Variants in MRPL1 observed in about 807,000 individuals in gnomAD.
The protein encoded by MRPL1 is mitochondrial ribosomal protein L1.
A neutral mutation model predicts 38.0 loss-of-function variants in MRPL1; 28 were observed. That is an observed-to-expected ratio of 0.74 (90% CI 0.55 to 1.01). The LOEUF (loss-of-function observed/expected upper bound fraction) is 1.01. MRPL1 is among the 50% of genes least tolerant of loss of function. MRPL1 has a pLI of 0.00. For missense variants in MRPL1, 358 were observed against 389.8 expected (o/e 0.92, Z 0.69); for synonymous variants, 123 against 126.7 (o/e 0.97, Z 0.20).
intron 7 of MRPL1, among the ~76,000 whole-genome samples, chr4:77,933,721 A>G (rs1736898712): frequency 1.3e-5 from 2 of 152,362 alleles, no homozygotes; most frequent in East Asian, 3.9e-4. Flanking sequence ...ACTTAAAGAA[A>G]TAATGGCAGG....
rs750442746 is a variant in MRPL1 at position 77,862,845 on chromosome 4, C to T, written c.-4C>T. ...TTTCGTGAACGCAATCCGGAGTGCCCAACATGGCGGCGGCCGTAAGGTGCA... is the reference window on the plus strand; with the variant it reads ...TTTCGTGAACGCAATCCGGAGTGCCTAACATGGCGGCGGCCGTAAGGTGCA... On this transcript the variant is annotated 5_prime_UTR_variant, in exon 1 of 9. Transcript: ENST00000315567. 1 of 1,614,040 alleles carries T rather than the reference C, an allele frequency of 6.2e-7. No individual in the cohort carries two copies. The highest frequency in any genetic ancestry group is 1.3e-5 in the African/African-American group (1 of 75,000).
At chr4:77,868,591 G>A (rs1447813370) in intron 1 of MRPL1, among the ~76,000 whole-genome samples, 1 of 152,180 alleles carries the variant, frequency 6.6e-6, no homozygotes, top group Admixed American at 6.5e-5. Context: ...TGAAGGAAAA[G>A]TGTAAGATGT....
chr4:77,929,244 G>A (rs2110258443), intron 7 of MRPL1, among the ~76,000 whole-genome samples: 1 of 152,036 alleles, frequency 6.6e-6, no homozygotes, highest in South Asian at 2.1e-4. Context: ...GGGCAACATA[G>A]CAAGATCCCA....
chr4:77,892,701 A>T (rs1216865618), intron 5 of MRPL1, among the ~76,000 whole-genome samples: 1 of 142,822 alleles, frequency 7.0e-6, no homozygotes, highest in Admixed American at 6.8e-5. Flanking sequence ...CAGTTCTTTG[A>T]CATTTAGAAA....
intron 7 of MRPL1, among the ~76,000 whole-genome samples, chr4:77,920,562 CAG>C (rs991411277): frequency 6.6e-6 from 1 of 152,164 alleles, no homozygotes; most frequent in African/African-American, 2.4e-5. Context: ...AACTGCTGAG[CAG>C]AGAGACTATA....
At chr4:77,903,097 T>C (rs1271516815) in intron 6 of MRPL1, among the ~76,000 whole-genome samples, 1 of 152,174 alleles carries the variant, frequency 6.6e-6, no homozygotes, top group Non-Finnish European at 1.5e-5. Flanking sequence ...CAAAAAATAC[T>C]GTTAACAAAA....
chr4:77,866,982 G>A (rs184226879), intron 1 of MRPL1, among the ~76,000 whole-genome samples: 3 of 151,998 alleles, frequency 2.0e-5, no homozygotes, highest in East Asian at 1.9e-4. Flanking sequence ...TCCTGACCTC[G>A]TGATCCTCCC....
chr4:77,867,591 G>T (rs764644688), intron 1 of MRPL1, among the ~76,000 whole-genome samples: 1 of 151,462 alleles, frequency 6.6e-6, no homozygotes, highest in Non-Finnish European at 1.5e-5. Flanking sequence ...TCACTATGTT[G>T]CCCAAGCTGG....
chr4:77,907,520 C>T (rs964990222), intron 6 of MRPL1, among the ~76,000 whole-genome samples: 1 of 145,670 alleles, frequency 6.9e-6, no homozygotes, highest in Non-Finnish European at 1.5e-5. Context: ...CTCCCCCTTC[C>T]TCCTTCCCTC....
chr4:77,883,375 C>A lies in MRPL1; in HGVS notation c.277C>A (p.Pro93Thr). 1 of 1,613,618 alleles carries A rather than the reference C, an allele frequency of 6.2e-7. No individual in the cohort carries two copies. Among genetic ancestry groups the A allele is most frequent in the Admixed American group, 1.7e-5 (1 of 59,968 alleles). ...TGATGTCTATTTAAAACGCTTATAC[C>A]CGAGACAGATATATGAGGTGGAGAA... Reference protein sequence around the residue: ...EDDVYLKRLYPRQIYEVEKAV... With the variant: ...EDDVYLKRLYTRQIYEVEKAV... The change falls in exon 3 of 9, where the codon CCG (proline) becomes ACG (threonine). Residue 93 changes from proline to threonine, a missense_variant. Coordinates refer to ENST00000315567, the MANE Select transcript of MRPL1 (RefSeq NM_020236.4).
chr4:77,863,147 G>GT, intron 1 of MRPL1: 1 of 526,544 alleles, frequency 1.9e-6, no homozygotes, highest in Non-Finnish European at 3.3e-6. Context: ...GGCAAGGACT[G>GT]GGTCGTCTCT....
chr4:77,892,647 C>T (rs1027592438), intron 5 of MRPL1, among the ~76,000 whole-genome samples: 1 of 152,136 alleles, frequency 6.6e-6, no homozygotes, highest in African/African-American at 2.4e-5. Flanking sequence ...AGGAACATGT[C>T]ATAGAATTAG....
intron 7 of MRPL1, among the ~76,000 whole-genome samples, chr4:77,913,243 A>T (rs568739683): frequency 2.8e-4 from 43 of 152,252 alleles, no homozygotes; most frequent in Non-Finnish European, 5.4e-4. Context: ...CAAATTACAG[A>T]CTGGGAAAAA....
At chr4:77,899,608 G>A (rs1164741182) in intron 6 of MRPL1, among the ~76,000 whole-genome samples, 1 of 151,998 alleles carries the variant, frequency 6.6e-6, no homozygotes, top group Non-Finnish European at 1.5e-5. Context: ...CTTTCAGGAG[G>A]TAATGTATGC....
chr4:77,926,216 C>T (rs1333038871), intron 7 of MRPL1, among the ~76,000 whole-genome samples: 2 of 152,188 alleles, frequency 1.3e-5, no homozygotes, highest in Non-Finnish European at 2.9e-5. Context: ...CTTGCCAGCA[C>T]ATGACTGGAG....
intron 6 of MRPL1, among the ~76,000 whole-genome samples, chr4:77,902,627 A>AT (rs968841834): frequency 6.0e-5 from 9 of 150,502 alleles, no homozygotes; most frequent in African/African-American, 1.2e-4. Context: ...AGCTGGACTG[A>AT]TTTTTTTTTT....
chr4:77,932,358 C>T (rs1578059890), intron 7 of MRPL1, among the ~76,000 whole-genome samples: 2 of 152,274 alleles, frequency 1.3e-5, no homozygotes, highest in Admixed American at 1.3e-4. Flanking sequence ...GGCATTACTT[C>T]CCAACCACAA....
intron 5 of MRPL1, among the ~76,000 whole-genome samples, chr4:77,891,340 GTTTTT>G (rs1171902825): frequency 6.9e-6 from 1 of 143,936 alleles, no homozygotes; most frequent in Non-Finnish European, 1.5e-5. Flanking sequence ...CTTTGGTTCA[GTTTTT>G]TTTGTTTTTT....
At chr4:77,929,255 C>A (rs1736789426) in intron 7 of MRPL1, among the ~76,000 whole-genome samples, 1 of 150,948 alleles carries the variant, frequency 6.6e-6, no homozygotes, top group South Asian at 2.1e-4. Flanking sequence ...CAAGATCCCA[C>A]ATCTCTAAAT....
Sources: gnomAD v4.1 joint callset for allele counts (sites outside exome capture counted in the v4.1 genomes callset) on GRCh38, gnomAD v4.1.1 for gene constraint, MANE v1.5 for transcripts, NCBI Gene and HGNC (gene_info 2026-07-23, HGNC 2026-07-21) for gene names.